The following SGPP1 variants were observed in gnomAD, a reference collection of about 807,000 sequenced individuals.
The protein encoded by SGPP1 is hSPP1.
SGPP1 carries 21 observed loss-of-function variants against 33.0 expected under a neutral mutation model. The ratio of observed to expected loss-of-function variants is 0.64; its 90% CI spans 0.45 to 0.92. SGPP1 has a LOEUF of 0.92. Among genes scored for constraint, SGPP1 ranks in the 40% least tolerant of loss-of-function variants. The probability of loss-of-function intolerance (pLI) is 0.00; values close to 1 mark genes in which losing one functional copy is unlikely to be tolerated. For missense variants in SGPP1, 543 were observed against 589.4 expected (o/e 0.92, Z 0.81); for synonymous variants, 239 against 241.2 (o/e 0.99, Z 0.08).
At chr14:63,723,502 C>G (rs1421782614) in intron 1 of SGPP1, among the ~76,000 whole-genome samples, 1 of 152,016 alleles carries the variant, frequency 6.6e-6, no homozygotes, top group East Asian at 1.9e-4. Flanking sequence ...GAGTGGATCA[C>G]GAGGTCAAGA....
At chr14:63,713,857 T>A (rs894874828) in intron 1 of SGPP1, among the ~76,000 whole-genome samples, 13 of 152,228 alleles carry the variant, frequency 8.5e-5, no homozygotes, top group African/African-American at 3.1e-4. Flanking sequence ...AAGCATCATT[T>A]TGGGTGTGTC....
rs761781978 is a variant in SGPP1, at chr14:63,727,626, C to A, written c.319G>T (p.Ala107Ser). The A allele has an allele frequency of 3.8e-5, 55 of 1,434,610 alleles. No homozygotes were observed. In the South Asian group the frequency reaches 4.3e-4, roughly 11 times the overall value. 88.9% of individuals were successfully genotyped at this position (1,434,610 alleles called of 1,614,324 possible). A position where few individuals can be genotyped will look rare whatever the true frequency, so the allele number is the denominator to read the frequency against. The change falls in exon 1 of 3, where the codon GCT becomes TCT. Residue 107 changes from alanine (A) to serine (S), a missense_variant. Transcript: ENST00000247225. ...LGPASPRRAG[A>S]LRRNSLTGEE... ...CCCGTCAGCGAGTTGCGGCGCAGAG[C>A]GCCCGCGCGCCGCGGCGAGGCCGGG...
Position 63,686,470 on chromosome 14 carries a change from C to T in SGPP1, c.961G>A (p.Glu321Lys), listed in dbSNP as rs760448063. 33 of 1,613,958 alleles carry T rather than the reference C, an allele frequency of 2.0e-5. No individual in the cohort carries two copies. The highest frequency in any genetic ancestry group is 6.7e-5 in the East Asian group (3 of 44,892). Residue 321 changes from glutamate to lysine, a missense_variant, in exon 3 of 3, where the codon GAG becomes AAG. Glu to Lys is a moderately conservative substitution (Grantham distance 56). Transcript: ENST00000247225. The stretch of plus-strand genomic sequence containing the variant: ...ATTCCAGCACCACTTCCTAGTATCT[C>T]GGCTGTGTCTCCTCGGGATGTGCTC... ...TWSTSRGDTA[E>K]ILGSGAGIAC...
At chr14:63,699,816 T>C (rs564098331) in intron 1 of SGPP1, among the ~76,000 whole-genome samples, 15 of 150,330 alleles carry the variant, frequency 1.0e-4, no homozygotes, top group African/African-American at 3.4e-4. Context: ...CTAAATACCC[T>C]CGATAGTCAT....
At chr14:63,712,188 T>C (rs912722693) in intron 1 of SGPP1, among the ~76,000 whole-genome samples, 5 of 150,772 alleles carry the variant, frequency 3.3e-5, no homozygotes, top group Non-Finnish European at 7.4e-5. Flanking sequence ...CATTAGCTTT[T>C]TCTTTTTTTA....
chr14:63,716,698 C>CT (rs113716596), intron 1 of SGPP1, among the ~76,000 whole-genome samples: 18,404 of 142,788 alleles, frequency 0.13, 2,059 homozygotes, highest in African/African-American at 0.31. Context: ...CCCAATAATA[C>CT]TTTTTTTTTT....
chr14:63,701,288 T>C (rs565663513), intron 1 of SGPP1, among the ~76,000 whole-genome samples: 1 of 152,286 alleles, frequency 6.6e-6, no homozygotes, highest in East Asian at 1.9e-4. Flanking sequence ...CTGGCCAAGA[T>C]ACAAGATTTT....
At chr14:63,696,303 A>G (rs1885184958) in intron 2 of SGPP1, among the ~76,000 whole-genome samples, 1 of 152,184 alleles carries the variant, frequency 6.6e-6, no homozygotes, top group Admixed American at 6.6e-5. Flanking sequence ...AAACAAAACC[A>G]GTATCTTTGA....
Position 63,727,494 on chromosome 14 carries a change from A to G in SGPP1, c.451T>C (p.Trp151Arg), listed in dbSNP as rs1463617715. 1 of 1,614,134 alleles carries G rather than the reference A, an allele frequency of 6.2e-7. No homozygotes were observed. ...ELFYILFFPF[W>R]IWNLDPLVGR... is the part of the protein sequence containing the mutation. ...ACCAGAGGGTCCAGGTTCCAGATCC[A>G]GAAGGGGAAGAACAGGATGTAGAAG... The change falls in exon 1 of 3, where the codon TGG (tryptophan) becomes CGG (arginine). Residue 151 changes from tryptophan (W) to arginine (R), a missense_variant. Physicochemically the swap from Trp to Arg is moderately radical, Grantham distance 101 (BLOSUM62 -3). Coordinates refer to ENST00000247225, the MANE Select transcript of SGPP1 (RefSeq NM_030791.4).
At chr14:63,713,018 C>T (rs1164188062) in intron 1 of SGPP1, among the ~76,000 whole-genome samples, 1 of 151,758 alleles carries the variant, frequency 6.6e-6, no homozygotes, top group African/African-American at 2.4e-5. Flanking sequence ...TCCCAAAGTT[C>T]TGGGATTACA....
At chr14:63,699,717 C>T (rs1885256789) in intron 1 of SGPP1, among the ~76,000 whole-genome samples, 1 of 147,928 alleles carries the variant, frequency 6.8e-6, no homozygotes, top group Non-Finnish European at 1.5e-5. Flanking sequence ...GCTGGAACTA[C>T]AGGCAGAGTT....
chr14:63,703,800 GTTTTTT>G (rs57439548), intron 1 of SGPP1, among the ~76,000 whole-genome samples: 2 of 98,920 alleles, frequency 2.0e-5, no homozygotes, highest in African/African-American at 8.3e-5. Context: ...CCCTATTTAA[GTTTTTT>G]TTTTTTTTTT....
Position 63,727,847 on chromosome 14 carries a change from G to A in SGPP1, c.98C>T (p.Pro33Leu), listed in dbSNP as rs1329068125. 9 of 1,519,276 alleles carry A rather than the reference G, an allele frequency of 5.9e-6. No homozygotes were observed. The highest frequency in any genetic ancestry group is 7.9e-6 in the Non-Finnish European group (9 of 1,139,854). The allele number at this position is 1,519,276 out of a possible 1,614,324, so 94.1% of individuals were successfully genotyped here. A position where few individuals can be genotyped will look rare whatever the true frequency, so the allele number is the denominator to read the frequency against. Residue 33 changes from proline (P) to leucine (L), a missense_variant, in exon 1 of 3, where the codon CCG (proline) becomes CTG (leucine). Transcript: ENST00000247225. ...FQRLCGVEAP[P>L]RRSADRREDE... ...CTCCCTCCGGTCTGCTGAGCGGCGC[G>A]GCGGCGCTTCCACCCCGCACAGCCG...
intron 1 of SGPP1, among the ~76,000 whole-genome samples, chr14:63,707,768 C>T (rs1209208658): frequency 6.6e-6 from 1 of 151,938 alleles, no homozygotes; most frequent in Non-Finnish European, 1.5e-5. Context: ...TTTTTTATGT[C>T]TTGGATAATC....
chr14:63,705,431 G>T (rs1292840734), intron 1 of SGPP1, among the ~76,000 whole-genome samples: 1 of 151,494 alleles, frequency 6.6e-6, no homozygotes, highest in East Asian at 1.9e-4. Flanking sequence ...ACTTTGGGGG[G>T]CCGAGGTGGG....
In SGPP1 at chr14:63,685,486, A is replaced by T. The variant is rs1884950570; in HGVS notation, c.*619T>A. 3 of 152,580 alleles carry T rather than the reference A, an allele frequency of 2.0e-5. No individual in the cohort carries two copies. Among genetic ancestry groups the T allele is most frequent in the Middle Eastern group, 3.4e-3 (1 of 294 alleles). The allele number at this position is 152,580 out of a possible 1,614,324, so 9.5% of individuals were successfully genotyped here. On this transcript the variant is annotated 3_prime_UTR_variant, in exon 3 of 3. Transcript: ENST00000247225. Reference sequence around the variant, plus strand: ...AATCCAAAAACTAATTTTTCTAAAAATTTGGTCCATTAAAAATGCCTCCCA... The same window carrying T: ...AATCCAAAAACTAATTTTTCTAAAATTTTGGTCCATTAAAAATGCCTCCCA...
At chr14:63,724,312 T>C (rs143971087) in intron 1 of SGPP1, among the ~76,000 whole-genome samples, 1 of 152,130 alleles carries the variant, frequency 6.6e-6, no homozygotes, top group Non-Finnish European at 1.5e-5. Context: ...AGTGAAGTAG[T>C]AAAGCCAAGA....
At chr14:63,727,090 A>G (rs1885897405) in intron 1 of SGPP1, among the ~76,000 whole-genome samples, 171 bp downstream of exon 1, 1 of 152,174 alleles carries the variant, frequency 6.6e-6, no homozygotes, top group South Asian at 2.1e-4. Flanking sequence ...AGTTTCCCCC[A>G]ATCACTTAAT....
At chr14:63,714,421 T>C (rs578065298) in intron 1 of SGPP1, among the ~76,000 whole-genome samples, 1 of 152,310 alleles carries the variant, frequency 6.6e-6, no homozygotes, top group South Asian at 2.1e-4. Context: ...CTTTATTTTT[T>C]TTAATTTTCA....
Sources: allele counts gnomAD v4.1 joint callset (sites outside exome capture counted in the v4.1 genomes callset), GRCh38; gene constraint gnomAD v4.1.1; transcripts MANE v1.5; gene names NCBI Gene and HGNC (gene_info 2026-07-23, HGNC 2026-07-21).